The following ZMAT4 variants were observed in gnomAD, a reference collection of about 807,000 sequenced individuals.
The protein encoded by ZMAT4 is zinc finger matrin-type protein 4.
A neutral mutation model predicts 28.7 loss-of-function variants in ZMAT4; 17 were observed. The observed-to-expected ratio is 0.59, with a 90% CI of 0.41 to 0.89. The LOEUF is 0.89. ZMAT4 is among the 40% of genes least tolerant of loss of function. The pLI, the probability that ZMAT4 is intolerant of heterozygous loss-of-function variation, is 0.00. For missense variants in ZMAT4, 240 were observed against 283.8 expected, an observed-to-expected ratio of 0.85 and a Z score of 1.11; for synonymous variants, 117 against 109.2, an observed-to-expected ratio of 1.07 and a Z score of -0.44.
chr8:40,702,445 G>C (rs995753682), intron 3 of ZMAT4, among the ~76,000 whole-genome samples: 3 of 152,186 alleles, frequency 2.0e-5, no homozygotes, highest in Non-Finnish European at 4.4e-5. Flanking sequence ...CGTCCACATT[G>C]CTGAAAGAAA....
chr8:40,710,037 C>CA (rs35882795), intron 3 of ZMAT4, among the ~76,000 whole-genome samples: 892 of 77,956 alleles, frequency 0.011, 11 homozygotes, highest in African/African-American at 0.027. Context: ...GACCCAGTCT[C>CA]AAAAAAAAAA....
intron 2 of ZMAT4, among the ~76,000 whole-genome samples, chr8:40,789,794 T>G (rs970687918): frequency 6.6e-6 from 1 of 152,032 alleles, no homozygotes; most frequent in East Asian, 1.9e-4. Flanking sequence ...CAGTAATGAG[T>G]CCAGGAAGGC....
intron 5 of ZMAT4, 33 bp from the exon 6 acceptor site, chr8:40,581,294 T>C: frequency 6.3e-7 from 1 of 1,584,926 alleles, no homozygotes; most frequent in Non-Finnish European, 8.7e-7. Flanking sequence ...GTTAGCTGCA[T>C]CCAGTCGTCA....
chr8:40,583,094 T>C (rs955369278), intron 5 of ZMAT4, among the ~76,000 whole-genome samples: 4 of 152,280 alleles, frequency 2.6e-5, no homozygotes, highest in African/African-American at 7.2e-5. Context: ...GTGAGTTCCA[T>C]GTGGGACCGT....
chr8:40,604,416 G>A (rs1585746018), intron 5 of ZMAT4, among the ~76,000 whole-genome samples: 2 of 152,228 alleles, frequency 1.3e-5, no homozygotes, highest in South Asian at 4.1e-4. Flanking sequence ...TTTGCTGAGG[G>A]TTTTGATCAT....
chr8:40,677,375 G>A (rs1389020310), intron 4 of ZMAT4, among the ~76,000 whole-genome samples: 3 of 150,670 alleles, frequency 2.0e-5, no homozygotes, highest in Non-Finnish European at 4.4e-5. Context: ...GCCTATAAAA[G>A]CAGGCAAAGG....
At chr8:40,710,789 C>CCTT (rs574781217) in intron 3 of ZMAT4, among the ~76,000 whole-genome samples, 1 of 149,046 alleles carries the variant, frequency 6.7e-6, no homozygotes, top group Non-Finnish European at 1.5e-5. Flanking sequence ...CAAGACTTTT[C>CCTT]TTTTTTTTTT....
intron 3 of ZMAT4, among the ~76,000 whole-genome samples, chr8:40,711,412 C>G (rs1467680662): frequency 6.6e-6 from 1 of 152,168 alleles, no homozygotes; most frequent in Non-Finnish European, 1.5e-5. Flanking sequence ...TATCATCTGC[C>G]TCTTAATGAA....
chr8:40,688,948 C>A (rs114974962), intron 4 of ZMAT4, among the ~76,000 whole-genome samples: 304 of 152,268 alleles, frequency 2.0e-3, no homozygotes, highest in African/African-American at 6.2e-3. Context: ...GCAAAGGGAT[C>A]TGAATGTCAA....
intron 2 of ZMAT4, among the ~76,000 whole-genome samples, chr8:40,818,952 C>T (rs959789517): frequency 2.6e-5 from 4 of 152,192 alleles, no homozygotes; most frequent in African/African-American, 9.7e-5. Context: ...TTAATCAGCA[C>T]ATTTTAAGAA....
chr8:40,786,690 G>T, intron 2 of ZMAT4: 1 of 1,288,318 alleles, frequency 7.8e-7, no homozygotes, highest in Non-Finnish European at 1.0e-6. Context: ...CCAACTTACG[G>T]GTCAGAATTC....
At chr8:40,766,224 A>T (rs563631949) in intron 3 of ZMAT4, among the ~76,000 whole-genome samples, 1 of 152,276 alleles carries the variant, frequency 6.6e-6, no homozygotes, top group East Asian at 1.9e-4. Context: ...ATGTTAATAA[A>T]CACTTATGCT....
intron 1 of ZMAT4, among the ~76,000 whole-genome samples, chr8:40,883,721 C>T (rs1403804424): frequency 6.6e-6 from 1 of 152,172 alleles, no homozygotes; most frequent in Non-Finnish European, 1.5e-5. Context: ...CCCCTAACTC[C>T]CCCTGAGCCC....
At chr8:40,601,394 A>G (rs1170955037) in intron 5 of ZMAT4, among the ~76,000 whole-genome samples, 1 of 130,286 alleles carries the variant, frequency 7.7e-6, no homozygotes, top group Non-Finnish European at 1.6e-5. Flanking sequence ...GGAAGGAAGG[A>G]AGGAGGAAAG....
At chr8:40,737,046 A>G (rs768728130) in intron 3 of ZMAT4, among the ~76,000 whole-genome samples, 24 of 152,206 alleles carry the variant, frequency 1.6e-4, no homozygotes, top group Non-Finnish European at 2.8e-4. Context: ...AGTAAGCAGG[A>G]GGTCTGAAGG....
rs145433865 is a variant in ZMAT4, at chr8:40,743,925, G to C, written c.192+23716C>G. ...GAGCAGATCCGTGAGTGAGGAATGGGCTTCTCCAGAAAAAGGAAGAGGAGA... is the reference window on the plus strand; with the variant it reads ...GAGCAGATCCGTGAGTGAGGAATGGCCTTCTCCAGAAAAAGGAAGAGGAGA... On this transcript the variant is annotated intron_variant, in intron 3 of 6. Coordinates refer to ENST00000297737, the MANE Select transcript of ZMAT4 (RefSeq NM_024645.3). Among the ~76,000 whole-genome samples, 244 of 152,296 alleles carry C rather than the reference G, an allele frequency of 1.6e-3. 3 individuals are homozygous for C. Among genetic ancestry groups the C allele is most frequent in the African/African-American group, 5.4e-3 (226 of 41,572 alleles).
intron 3 of ZMAT4, among the ~76,000 whole-genome samples, chr8:40,743,949 G>C (rs1412250606): frequency 6.6e-6 from 1 of 152,170 alleles, no homozygotes; most frequent in East Asian, 1.9e-4. Flanking sequence ...AGGAAGAGGA[G>C]AGCATATGTC....
chr8:40,887,165 C>T (rs1241359227), intron 1 of ZMAT4, among the ~76,000 whole-genome samples: 1 of 119,688 alleles, frequency 8.4e-6, no homozygotes, highest in African/African-American at 3.1e-5. Flanking sequence ...AGCAAGACTC[C>T]GTCTCAAAAA....
chr8:40,597,395 A>G (rs1403795854), intron 5 of ZMAT4, among the ~76,000 whole-genome samples: 2 of 152,202 alleles, frequency 1.3e-5, no homozygotes, highest in African/African-American at 2.4e-5. Flanking sequence ...GCCACTTGCA[A>G]TAACTCAGAT....
Sources: allele counts gnomAD v4.1 joint callset (sites outside exome capture counted in the v4.1 genomes callset), GRCh38; gene constraint gnomAD v4.1.1; transcripts MANE v1.5; gene names NCBI Gene and HGNC (gene_info 2026-07-23, HGNC 2026-07-21).